Variants in CWC22 observed in about 807,000 individuals in gnomAD.
The protein encoded by CWC22 is CWC22 spliceosome associated protein.
In CWC22, 53 loss-of-function variants were observed where a neutral mutation model predicts 117.2. The ratio of observed to expected loss-of-function variants is 0.45; its 90% CI spans 0.36 to 0.57. CWC22 has a LOEUF of 0.57. Ranked by LOEUF, CWC22 falls within the 20% of genes least tolerant of loss-of-function variation. CWC22 has a pLI of 0.00. For missense variants in CWC22, 980 were observed against 1,068.8 expected, an observed-to-expected ratio of 0.92 and a Z score of 1.16; for synonymous variants, 360 against 355.6, an observed-to-expected ratio of 1.01 and a Z score of -0.14.
chr2:179,999,046 A>C (rs4630733), intron 1 of CWC22, among the ~76,000 whole-genome samples: 1 of 152,156 alleles, frequency 6.6e-6, no homozygotes, highest in Non-Finnish European at 1.5e-5. Flanking sequence ...AATTTCTGGC[A>C]ATAAAGTACA....
At position 179,970,817 on chromosome 2, in the gene CWC22, T is replaced by G; in HGVS notation, c.980A>C (p.Glu327Ala). The change falls in exon 10 of 20, where the codon GAA becomes GCA. Residue 327 changes from glutamate to alanine, a missense_variant. This residue lies in a region of CWC22 where 559 missense variants were observed against 602.3 expected (regional missense o/e 0.93). Coordinates refer to ENST00000410053, the MANE Select transcript of CWC22 (RefSeq NM_020943.3). The part of the protein sequence containing the change: ...ERLRNILHES[E>A]IDKRVQYMIE... ...CATATATTGAACTCTTTTGTCAATT[T>G]CAGACTCATGCAGAATGTTTCGAAG... 2.5e-6 allele frequency: 4 copies of G among 1,613,780 alleles called. No homozygotes were observed. The highest frequency in any genetic ancestry group is 2.5e-6 in the Non-Finnish European group (3 of 1,179,740).
chr2:179,982,018 A>G (rs1687299628), intron 4 of CWC22, 21 bp from the exon 5 acceptor site: 3 of 1,290,660 alleles, frequency 2.3e-6, no homozygotes, highest in South Asian at 1.3e-5. Context: ...AATTTTTTGA[A>G]GAGCAGAAAA....
intron 12 of CWC22, 119 bp downstream of exon 12, chr2:179,965,759 G>C (rs1686872770): frequency 1.2e-6 from 1 of 832,416 alleles, no homozygotes; most frequent in Non-Finnish European, 1.8e-6. Flanking sequence ...TCACCTCCTA[G>C]ACGCCATCAG....
At chr2:179,998,459 T>G (rs3845707) in intron 1 of CWC22, among the ~76,000 whole-genome samples, 21,823 of 152,128 alleles carry the variant, frequency 0.14, 1,969 homozygotes, top group Admixed American at 0.29. Flanking sequence ...TTCAAGCAAT[T>G]TGTCCACGTA....
chr2:179,977,817 C>T (rs183558037), intron 6 of CWC22, among the ~76,000 whole-genome samples: 341 of 151,994 alleles, frequency 2.2e-3, no homozygotes, highest in Non-Finnish European at 3.9e-3. Context: ...TGATGTATAC[C>T]ACAAATATAC....
chr2:179,984,192 C>G (rs1340081374), intron 4 of CWC22, among the ~76,000 whole-genome samples: 1 of 152,068 alleles, frequency 6.6e-6, no homozygotes, highest in African/African-American at 2.4e-5. Flanking sequence ...GAACTGAGTT[C>G]AAATTCCAGT....
chr2:179,951,147 T>C (rs990323871), intron 17 of CWC22, among the ~76,000 whole-genome samples: 1 of 152,144 alleles, frequency 6.6e-6, no homozygotes, highest in East Asian at 1.9e-4. Context: ...TTATACAATG[T>C]AGGAGGTTTT....
rs756821579 is a variant in CWC22 at position 179,945,172 on chromosome 2, T to C, written c.2684A>G (p.Asn895Ser). 67 of 1,604,998 alleles carry C rather than the reference T, an allele frequency of 4.2e-5. No individual in the cohort carries two copies. The highest frequency in any genetic ancestry group is 5.0e-5 in the Non-Finnish European group (59 of 1,177,874). The part of the protein sequence containing the change: ...YSEQSRESKK[N>S]QDRRREKSPA... The stretch of plus-strand genomic sequence containing the variant: ...AGACTTTTCTCTTCGCCGGTCCTGA[T>C]TTTTCTTTGATTCTCTGGATTGTTC... The change falls in exon 20 of 20, where the codon AAT (asparagine) becomes AGT (serine). Residue 895 changes from asparagine (N) to serine (S), a missense_variant. By Grantham distance (46) the Asn-to-Ser change is conservative (BLOSUM62 1). Transcript: ENST00000410053.
At chr2:179,970,452 A>C (rs1444183062) in intron 11 of CWC22, 49 bp downstream of exon 11, 3 of 1,422,712 alleles carry the variant, frequency 2.1e-6, no homozygotes, top group Non-Finnish European at 2.9e-6. Context: ...TAACTACTTA[A>C]ATTGCTTCTA....
chr2:179,993,160 T>C (rs1400854872), intron 2 of CWC22, among the ~76,000 whole-genome samples, 155 bp downstream of exon 2: 1 of 152,270 alleles, frequency 6.6e-6, no homozygotes, highest in Non-Finnish European at 1.5e-5. Flanking sequence ...AATTGTGGTT[T>C]TTAAAATTGC....
At chr2:179,971,848 A>G (rs1167228099) in intron 8 of CWC22, among the ~76,000 whole-genome samples, 1 of 152,218 alleles carries the variant, frequency 6.6e-6, no homozygotes, top group Non-Finnish European at 1.5e-5. Context: ...CTCAGGAGAT[A>G]TCTTCTTCCA....
At chr2:180,001,333 T>C (rs1687844987) in intron 1 of CWC22, among the ~76,000 whole-genome samples, 1 of 151,820 alleles carries the variant, frequency 6.6e-6, no homozygotes, top group South Asian at 2.1e-4. Context: ...TTTTTTTCTT[T>C]TTTTTTTTTC....
chr2:179,991,955 T>C (rs1205148587), intron 2 of CWC22, among the ~76,000 whole-genome samples: 1 of 152,174 alleles, frequency 6.6e-6, no homozygotes, highest in African/African-American at 2.4e-5. Flanking sequence ...GTGAGTGTCT[T>C]CTCACACTTG....
At chr2:179,951,578 AAGACAGGAGAATGCCAGC>A in intron 17 of CWC22, among the ~76,000 whole-genome samples, 1 of 152,256 alleles carries the variant, frequency 6.6e-6, no homozygotes, top group South Asian at 2.1e-4. Context: ...ATAGATCAAT[AAGACAGGAGAATGCCAGC>A]AGTGGAAACT....
At chr2:179,960,154 T>C (rs1244200543) in intron 13 of CWC22, among the ~76,000 whole-genome samples, 1 of 152,022 alleles carries the variant, frequency 6.6e-6, no homozygotes, top group African/African-American at 2.4e-5. Context: ...GTGTTAGCAA[T>C]ATCTTTTCCT....
At chr2:179,964,484 T>C in intron 13 of CWC22, 63 bp downstream of exon 13, 1 of 830,398 alleles carries the variant, frequency 1.2e-6, no homozygotes, top group Non-Finnish European at 1.9e-6. Flanking sequence ...AATGTATCCC[T>C]GATCTCTTTA....
chr2:179,965,776 T>TC, intron 12 of CWC22, 102 bp downstream of exon 12: 1 of 1,024,478 alleles, frequency 9.8e-7, no homozygotes, highest in Non-Finnish European at 1.4e-6. Context: ...TCAGCAGCTG[T>TC]CCTTGCTCTC....
chr2:179,969,207 C>A (rs113756874), intron 11 of CWC22, among the ~76,000 whole-genome samples: 1 of 151,946 alleles, frequency 6.6e-6, no homozygotes, highest in Admixed American at 6.6e-5. Flanking sequence ...AAGAATTTCA[C>A]AAAAAACATT....
At position 179,990,546 on chromosome 2, in the gene CWC22, C is replaced by CAGAGAGAG. The variant is rs3082436; in HGVS notation, c.28-1910_28-1903dup. 3.1e-3 allele frequency among the ~76,000 whole-genome samples: 453 copies of CAGAGAGAG among 144,926 alleles called. 3 individuals carry two copies. Among genetic ancestry groups the CAGAGAGAG allele is most frequent in the African/African-American group, 0.011 (426 of 38,810 alleles). ...AATGAGAGTGAGTGAGTGAGACAGA[C>CAGAGAGAG]AGAGAGAGAGAGAGAGAGAGAGAGA... On this transcript the variant is annotated intron_variant, in intron 2 of 19. Transcript: ENST00000410053.
Sources: allele counts gnomAD v4.1 joint callset (sites outside exome capture counted in the v4.1 genomes callset), GRCh38; gene constraint gnomAD v4.1.1; regional missense constraint gnomAD v4.1.1; transcripts MANE v1.5; gene names NCBI Gene and HGNC (gene_info 2026-07-23, HGNC 2026-07-21).